The following RPGRIP1L variants were observed in gnomAD, a reference collection of about 807,000 sequenced individuals.
The protein encoded by RPGRIP1L is protein fantom.
RPGRIP1L carries 131 observed loss-of-function variants against 160.4 expected under a neutral mutation model. The observed-to-expected ratio is 0.82, with a 90% CI of 0.71 to 0.94. RPGRIP1L has a LOEUF of 0.94. RPGRIP1L is among the 40% of genes least tolerant of loss of function. RPGRIP1L has a pLI of 0.00. For synonymous variants in RPGRIP1L, 510 were observed against 515.8 expected (o/e 0.99, Z 0.15); for missense variants, 1,522 against 1,535.8 (o/e 0.99, Z 0.15).
intron 3 of RPGRIP1L, chr16:53,694,449 A>C (rs903789102): frequency 6.6e-6 from 1 of 151,776 alleles, no homozygotes; most frequent in Non-Finnish European, 1.5e-5. Context: ...AAAAAAAAAA[A>C]AAATTAAAAA....
intron 25 of RPGRIP1L, among the ~76,000 whole-genome samples, chr16:53,610,212 C>G (rs557865452): frequency 1.4e-4 from 21 of 152,220 alleles, no homozygotes; most frequent in African/African-American, 4.8e-4. Context: ...GAAGCACTAA[C>G]TTTTTAAGAT....
At chr16:53,687,056 G>A (rs1001902433) in intron 5 of RPGRIP1L, among the ~76,000 whole-genome samples, 1 of 152,082 alleles carries the variant, frequency 6.6e-6, no homozygotes, top group Non-Finnish European at 1.5e-5. Flanking sequence ...TCAGGAACCG[G>A]TATAAACGTT....
At chr16:53,645,191 C>A (rs1412246376) in intron 17 of RPGRIP1L, among the ~76,000 whole-genome samples, 1 of 151,990 alleles carries the variant, frequency 6.6e-6, no homozygotes, top group East Asian at 1.9e-4. Flanking sequence ...TATATATTTT[C>A]TCTCTTCTCT....
At chr16:53,664,767 G>T in intron 10 of RPGRIP1L, 103 bp downstream of exon 10, 2 of 1,281,138 alleles carry the variant, frequency 1.6e-6, no homozygotes, top group Non-Finnish European at 2.2e-6. Flanking sequence ...CATACATTGC[G>T]GGGATACTGG....
chr16:53,617,685 T>A (rs1964466200), intron 24 of RPGRIP1L, among the ~76,000 whole-genome samples: 1 of 152,144 alleles, frequency 6.6e-6, no homozygotes, highest in South Asian at 2.1e-4. Context: ...TTAGTTCACA[T>A]AACAGTAAAA....
At position 53,687,880 on chromosome 16, in the gene RPGRIP1L, T is replaced by C. The variant is rs377573584; in HGVS notation, c.615A>G (p.Arg205=). ...KYGNSLLEEA[R]GEIRNLENVI... is the part of the protein sequence containing the mutation. ...ACACATACAAATTTCTTATTTCTCC[T>C]CTGGCTTCTTCAAGTAAACTGTTGC... is the stretch of plus-strand genomic sequence containing the variant. The change falls in exon 5 of 27, where the codon AGA becomes AGG. Residue 205 remains arginine, a synonymous_variant. Transcript: ENST00000647211. 2.5e-6 allele frequency: 4 copies of C among 1,605,580 alleles called. No individual in the cohort carries two copies. The highest frequency in any genetic ancestry group is 2.6e-6 in the Non-Finnish European group (3 of 1,172,772).
At chr16:53,687,488 A>C (rs549556595) in intron 5 of RPGRIP1L, among the ~76,000 whole-genome samples, 48 of 152,246 alleles carry the variant, frequency 3.2e-4, no homozygotes, top group East Asian at 1.2e-3. Context: ...CCAATTCTTT[A>C]TTTATTTTTT....
At chr16:53,670,931 C>A (rs1458781346) in intron 9 of RPGRIP1L, among the ~76,000 whole-genome samples, 2 of 151,976 alleles carry the variant, frequency 1.3e-5, no homozygotes, top group Non-Finnish European at 2.9e-5. Context: ...CTCGTCACTA[C>A]CAAAAAATTA....
intron 23 of RPGRIP1L, among the ~76,000 whole-genome samples, chr16:53,621,809 T>G (rs1392496622): frequency 1.3e-5 from 2 of 150,178 alleles, no homozygotes; most frequent in Admixed American, 1.3e-4. Flanking sequence ...GATCACGAGG[T>G]CAGGAGATCG....
At chr16:53,612,037 T>C (rs1964080336) in intron 24 of RPGRIP1L, among the ~76,000 whole-genome samples, 1 of 152,234 alleles carries the variant, frequency 6.6e-6, no homozygotes, top group African/African-American at 2.4e-5. Flanking sequence ...TGAACAATTT[T>C]AGTTCAATTC....
At chr16:53,672,812 C>T in intron 8 of RPGRIP1L, 58 bp downstream of exon 8, 1 of 1,511,536 alleles carries the variant, frequency 6.6e-7, no homozygotes, top group South Asian at 1.1e-5. Context: ...TTTACTTTTT[C>T]AAAACAGTTA....
intron 16 of RPGRIP1L, among the ~76,000 whole-genome samples, chr16:53,648,504 G>A (rs1205156361): frequency 1.3e-5 from 2 of 152,204 alleles, no homozygotes; most frequent in Admixed American, 6.5e-5. Context: ...GCACGGGGCA[G>A]TTTCTTTGTG....
rs1967278713 is a variant in RPGRIP1L, at chr16:53,656,593, C to T, written c.1582-4G>A. 2 of 1,586,154 alleles carry T rather than the reference C, an allele frequency of 1.3e-6. No individual in the cohort carries two copies. Among genetic ancestry groups the T allele is most frequent in the Non-Finnish European group, 1.7e-6 (2 of 1,154,572 alleles). On this transcript the variant is annotated splice_region_variant and splice_polypyrimidine_tract_variant and intron_variant, in intron 13 of 26. Coordinates refer to ENST00000647211, the MANE Select transcript of RPGRIP1L (RefSeq NM_015272.5). Reference sequence around the variant, plus strand: ...GGGTCACTGCCTCAACCTCCATCTACAAAATAAGGGAAAATAAGTTTTAAT... The same window carrying T: ...GGGTCACTGCCTCAACCTCCATCTATAAAATAAGGGAAAATAAGTTTTAAT...
intron 24 of RPGRIP1L, among the ~76,000 whole-genome samples, chr16:53,611,875 G>A (rs2150941578): frequency 6.6e-6 from 1 of 152,276 alleles, no homozygotes; most frequent in Middle Eastern, 3.4e-3. Flanking sequence ...AGGCCATTTT[G>A]GATGTAAAGG....
chr16:53,664,062 A>G (rs1321639730), intron 10 of RPGRIP1L, among the ~76,000 whole-genome samples: 1 of 152,172 alleles, frequency 6.6e-6, no homozygotes, highest in Non-Finnish European at 1.5e-5. Context: ...AAAAGCAGCA[A>G]CCTTCTTAGC....
chr16:53,622,079 G>T (rs2150973960), intron 23 of RPGRIP1L, 140 bp downstream of exon 23: 3 of 189,934 alleles, frequency 1.6e-5, no homozygotes, highest in Admixed American at 7.8e-5. Flanking sequence ...AAGATCTGAA[G>T]ATTGGCCCGG....
chr16:53,688,478 G>A (rs1378521604), intron 4 of RPGRIP1L, among the ~76,000 whole-genome samples: 1 of 151,862 alleles, frequency 6.6e-6, no homozygotes, highest in Non-Finnish European at 1.5e-5. Context: ...ATGGATCATC[G>A]CAAGAATTCC....
rs1253788850 is a variant in RPGRIP1L at position 53,692,109 on chromosome 16, T to C, written c.486A>G (p.Arg162=). Residue 162 remains arginine (R), a synonymous_variant, in exon 4 of 27, where the codon AGA becomes AGG. Transcript: ENST00000647211. ...NVQSRINTGR[R]KANENAGLQE... ...GTAAACCAGCATTTTCATTTGCTTT[T>C]CTACGCCCAGTGTTAATACGAGATT... is the stretch of plus-strand genomic sequence containing the variant. 10 of 1,614,064 alleles carry C rather than the reference T, an allele frequency of 6.2e-6. No individual in the cohort carries two copies. The highest frequency in any genetic ancestry group is 6.8e-6 in the Non-Finnish European group (8 of 1,180,042).
intron 2 of RPGRIP1L, among the ~76,000 whole-genome samples, chr16:53,699,614 G>C (rs1971208442): frequency 1.3e-5 from 2 of 152,086 alleles, no homozygotes; most frequent in Non-Finnish European, 2.9e-5. Flanking sequence ...AAGATCTGCA[G>C]AGCAAAGCTT....
Sources: gnomAD v4.1 joint callset for allele counts (sites outside exome capture counted in the v4.1 genomes callset) on GRCh38, gnomAD v4.1.1 for gene constraint, MANE v1.5 for transcripts, NCBI Gene and HGNC (gene_info 2026-07-23, HGNC 2026-07-21) for gene names.